The following PODXL variants were observed in gnomAD, a reference collection of about 807,000 sequenced individuals.
PODXL encodes podocalyxin.
In PODXL, 20 loss-of-function variants were observed where a neutral mutation model predicts 48.9. That is an observed-to-expected ratio of 0.41 (90% CI 0.29 to 0.59). PODXL has a LOEUF of 0.59. Among genes scored for constraint, PODXL ranks in the 20% least tolerant of loss-of-function variants. The pLI is 0.31. For missense variants in PODXL, 606 were observed against 675.1 expected (o/e 0.90, Z 1.13); for synonymous variants, 295 against 287.4 (o/e 1.03, Z -0.27).
intron 3 of PODXL, 28 bp from the exon 4 acceptor site, chr7:131,509,613 G>C: frequency 7.0e-7 from 1 of 1,423,102 alleles, no homozygotes; most frequent in Non-Finnish European, 9.6e-7. Context: ...AGGGTAATGA[G>C]AAAAGATGAG....
chr7:131,513,737 C>T (rs532698944), intron 1 of PODXL, among the ~76,000 whole-genome samples: 4 of 152,218 alleles, frequency 2.6e-5, no homozygotes, highest in Non-Finnish European at 5.9e-5. Flanking sequence ...GGGTAAGCAG[C>T]GCTGGCCTCC....
At position 131,540,102 on chromosome 7, in the gene PODXL, G is replaced by A. The variant is rs536569381; in HGVS notation, c.100+16158C>T. On this transcript the variant is annotated intron_variant, in intron 1 of 8. Coordinates refer to ENST00000378555, the MANE Select transcript of PODXL (RefSeq NM_001018111.3). Reference sequence around the variant, plus strand: ...CTGTCACCCAGATTGGAGTGCGGTGGCGCGATCACGGCTCACTGCAGCTTC... The same window carrying A: ...CTGTCACCCAGATTGGAGTGCGGTGACGCGATCACGGCTCACTGCAGCTTC... 4.6e-5 allele frequency among the ~76,000 whole-genome samples: 7 copies of A among 152,218 alleles called. No individual in the cohort carries two copies. The South Asian group carries it at 1.5e-3, about 32-fold the overall frequency.
chr7:131,507,880 A>T (rs1488898175), intron 5 of PODXL, among the ~76,000 whole-genome samples: 1 of 152,198 alleles, frequency 6.6e-6, no homozygotes, highest in Non-Finnish European at 1.5e-5. Context: ...TCACTTGGAA[A>T]ATGCCGGCAT....
intron 1 of PODXL, among the ~76,000 whole-genome samples, chr7:131,516,269 G>A (rs186052170): frequency 1.4e-4 from 21 of 152,356 alleles, no homozygotes; most frequent in Non-Finnish European, 2.8e-4. Context: ...GGCTGGGCAC[G>A]GTGGCTCACG....
intron 1 of PODXL, among the ~76,000 whole-genome samples, chr7:131,547,374 C>CA (rs10683140): frequency 0.56 from 38,639 of 68,782 alleles, 11,810 homozygotes; most frequent in Non-Finnish European, 0.61. Flanking sequence ...AACTCCGTCT[C>CA]AAAAAAAAAA....
chr7:131,517,113 C>T (rs1361779903), intron 1 of PODXL, among the ~76,000 whole-genome samples: 1 of 152,112 alleles, frequency 6.6e-6, no homozygotes, highest in Non-Finnish European at 1.5e-5. Flanking sequence ...GAGGACTATT[C>T]ATATGTTCTG....
intron 6 of PODXL, 109 bp from the exon 7 acceptor site, chr7:131,506,430 C>G: frequency 2.8e-6 from 4 of 1,448,586 alleles, no homozygotes; most frequent in Admixed American, 1.7e-5. Flanking sequence ...TCCTGAGTGT[C>G]TCTCGGGTGA....
intron 1 of PODXL, among the ~76,000 whole-genome samples, chr7:131,548,080 C>A (rs1798610473): frequency 6.6e-6 from 1 of 152,206 alleles, no homozygotes; most frequent in African/African-American, 2.4e-5. Context: ...TAGGAAGGAG[C>A]CAGGTTTCTT....
chr7:131,518,808 G>A (rs750688680), intron 1 of PODXL, among the ~76,000 whole-genome samples: 44 of 152,156 alleles, frequency 2.9e-4, no homozygotes, highest in Admixed American at 4.6e-4. Flanking sequence ...AGAACGGGCC[G>A]CCCTCCACCA....
intron 1 of PODXL, among the ~76,000 whole-genome samples, chr7:131,512,803 C>T (rs773711976): frequency 2.0e-5 from 3 of 151,952 alleles, no homozygotes; most frequent in Non-Finnish European, 4.4e-5. Context: ...TATAGAGAAA[C>T]CCCATCTCTA....
chr7:131,508,110 A>G (rs1797842223), intron 5 of PODXL, among the ~76,000 whole-genome samples: 1 of 152,218 alleles, frequency 6.6e-6, no homozygotes. Flanking sequence ...CTGAGTGTGC[A>G]CAGCGCACAC....
chr7:131,542,820 A>G (rs1244923582), intron 1 of PODXL, among the ~76,000 whole-genome samples: 4 of 152,202 alleles, frequency 2.6e-5, no homozygotes, highest in Non-Finnish European at 4.4e-5. Flanking sequence ...AGAGCATGGC[A>G]GTAGTGCAGC....
intron 1 of PODXL, among the ~76,000 whole-genome samples, chr7:131,529,926 G>A (rs1643259): frequency 0.11 from 3,704 of 34,378 alleles, 129 homozygotes; most frequent in African/African-American, 0.14. Flanking sequence ...GAGGGCTTGC[G>A]CTGGGCCTCC....
intron 1 of PODXL, among the ~76,000 whole-genome samples, chr7:131,512,688 T>C (rs900072908): frequency 2.0e-5 from 3 of 152,038 alleles, no homozygotes; most frequent in African/African-American, 7.2e-5. Flanking sequence ...CTCTTAAAAA[T>C]CACATTCAGC....
intron 1 of PODXL, among the ~76,000 whole-genome samples, chr7:131,539,612 C>T (rs543558205): frequency 7.4e-4 from 113 of 152,340 alleles, no homozygotes; most frequent in South Asian, 1.5e-3. Flanking sequence ...AGCCACCACG[C>T]CCAGTCCCCG....
In PODXL at chr7:131,505,949, G is replaced by A. The variant is rs769926674; in HGVS notation, c.1398C>T (p.Ile466=). 3.0e-5 allele frequency: 49 copies of A among 1,607,006 alleles called. No individual in the cohort carries two copies. Among genetic ancestry groups the A allele is most frequent in the African/African-American group, 6.7e-5 (5 of 74,880 alleles). ...DRFSMPLIIT[I]VCMASFLLLV... ...GGAGCAGGAATGATGCCATGCAGAC[G>A]ATGGTGATGATGAGGGGCATGCTGA... Residue 466 remains isoleucine, a synonymous_variant, in exon 8 of 9, where the codon ATC becomes ATT. Coordinates refer to ENST00000378555, the MANE Select transcript of PODXL (RefSeq NM_001018111.3).
chr7:131,529,078 T>C (rs917059135), intron 1 of PODXL, among the ~76,000 whole-genome samples: 4 of 105,440 alleles, frequency 3.8e-5, no homozygotes, highest in Admixed American at 1.2e-4. Context: ...CCCAATGAAG[T>C]AGAGATGAGA....
At chr7:131,556,207 G>A (rs571142294) in intron 1 of PODXL, 53 bp downstream of exon 1, 22 of 1,400,488 alleles carry the variant, frequency 1.6e-5, no homozygotes, top group Middle Eastern at 2.6e-4. Context: ...CGGCCGGGCA[G>A]GGGGCACATG....
Position 131,511,256 on chromosome 7 carries a change from G to C in PODXL, c.278C>G (p.Thr93Arg), listed in dbSNP as rs140866787. The C allele has an allele frequency of 1.2e-4, 196 of 1,614,064 alleles. 1 individual carries two copies. The African/African-American group carries it at 2.0e-3, about 17-fold the overall frequency. The change falls in exon 2 of 9, where the codon ACA becomes AGA. Residue 93 changes from threonine (T) to arginine (R), a missense_variant. Transcript: ENST00000378555. ...GCCTGAGACTTGCTGAGCCAGGGTT[G>C]TAGTCCCCGGTGAGTCACTGGATAC... is the stretch of plus-strand genomic sequence containing the variant. The part of the protein sequence containing the change: ...LGVSSDSPGT[T>R]TLAQQVSGPV...
Sources: gnomAD v4.1 joint callset for allele counts (sites outside exome capture counted in the v4.1 genomes callset) on GRCh38, gnomAD v4.1.1 for gene constraint, MANE v1.5 for transcripts, NCBI Gene and HGNC (gene_info 2026-07-23, HGNC 2026-07-21) for gene names.